Variants in NRG4 observed in about 807,000 individuals in gnomAD.
NRG4 encodes neuregulin 4.
In NRG4, 10 loss-of-function variants were observed where a neutral mutation model predicts 15.0. The observed-to-expected ratio is 0.67, with a 90% CI of 0.41 to 1.13. The LOEUF (loss-of-function observed/expected upper bound fraction) is 1.13, where lower values mean the gene tolerates loss of function less well. NRG4 is among the 50% of genes most tolerant of loss of function. The pLI, the probability that NRG4 is intolerant of heterozygous loss-of-function variation, is 0.00. For missense variants in NRG4, 139 were observed against 140.2 expected, an observed-to-expected ratio of 0.99 and a Z score of 0.04; for synonymous variants, 41 against 50.1, an observed-to-expected ratio of 0.82 and a Z score of 0.77.
rs1362197816 is a variant in NRG4 at position 75,941,018 on chromosome 15, AAAT to A, written c.*2617_*2619del. ...AAAAGATTACCTATGGAGTGGGAGGAAATAATATGCAGTTCACGTACCTAATAA... is the reference window on the plus strand; with the variant it reads ...AAAAGATTACCTATGGAGTGGGAGGAAATATGCAGTTCACGTACCTAATAA... On this transcript the variant is annotated 3_prime_UTR_variant, in exon 6 of 6. Transcript: ENST00000394907. 3.9e-5 allele frequency: 6 copies of A among 152,160 alleles called. No homozygotes were observed. Among genetic ancestry groups the A allele is most frequent in the African/African-American group, 1.4e-4 (6 of 41,464 alleles). 9.4% of individuals were successfully genotyped at this position (152,160 alleles called of 1,614,324 possible). A position where few individuals can be genotyped will look rare whatever the true frequency, so the allele number is the denominator to read the frequency against.
intron 3 of NRG4, among the ~76,000 whole-genome samples, chr15:75,982,529 G>C (rs915007415): frequency 6.6e-6 from 1 of 152,170 alleles, no homozygotes; most frequent in African/African-American, 2.4e-5. Context: ...GCTCCCTGCA[G>C]AAAACTATAA....
chr15:76,039,666 T>TAG (rs1404614468), intron 4 of NRG4, among the ~76,000 whole-genome samples: 1 of 151,976 alleles, frequency 6.6e-6, no homozygotes, highest in African/African-American at 2.4e-5. Flanking sequence ...AAAGAGAAGG[T>TAG]AGAGAGAGGG....
Position 76,045,255 on chromosome 15 carries a change from G to A in NRG4, c.-105+6812C>T, listed in dbSNP as rs1251327665. Among the ~76,000 whole-genome samples, 2 of 151,054 alleles carry A rather than the reference G, an allele frequency of 1.3e-5. 1 individual carries two copies. The highest frequency in any genetic ancestry group is 2.9e-5 in the Non-Finnish European group (2 of 67,892). ...TACAATGAGATATCATCTTACATCA[G>A]TTAAAATGGCTTTTATCCAAAAGAC... On this transcript the variant is annotated intron_variant, in intron 4 of 8. Coordinates refer to the NRG4 transcript ENST00000563910.
intron 5 of NRG4, among the ~76,000 whole-genome samples, chr15:75,952,943 A>T (rs1339240851): frequency 3.3e-5 from 5 of 152,102 alleles, no homozygotes; most frequent in Admixed American, 2.6e-4. Context: ...GATTAAAAAA[A>T]TTTTCTCTCA....
At chr15:75,988,974 C>T (rs1024279014) in intron 3 of NRG4, among the ~76,000 whole-genome samples, 8 of 150,856 alleles carry the variant, frequency 5.3e-5, no homozygotes, top group African/African-American at 1.9e-4. Flanking sequence ...CCTCCCATCT[C>T]AGCCTCCCAC....
intron 2 of NRG4, among the ~76,000 whole-genome samples, chr15:76,054,047 C>T (rs1445363109): frequency 6.6e-6 from 1 of 150,776 alleles, no homozygotes; most frequent in Non-Finnish European, 1.5e-5. Context: ...ACGTGGTGAT[C>T]ATTTGGGCCC....
intron 3 of NRG4, among the ~76,000 whole-genome samples, chr15:76,007,675 C>A (rs1363576038): frequency 6.6e-6 from 1 of 152,146 alleles, no homozygotes; most frequent in Non-Finnish European, 1.5e-5. Context: ...GTGATCCGCC[C>A]ACCTTGGCCT....
chr15:75,975,370 T>C (rs1407642595), intron 3 of NRG4, among the ~76,000 whole-genome samples: 1 of 152,244 alleles, frequency 6.6e-6, no homozygotes, highest in Non-Finnish European at 1.5e-5. Flanking sequence ...TATTGTTATG[T>C]GTGGATTTGA....
chr15:75,992,772 T>C (rs896533724), intron 3 of NRG4, among the ~76,000 whole-genome samples: 2 of 152,308 alleles, frequency 1.3e-5, no homozygotes, highest in Middle Eastern at 3.4e-3. Flanking sequence ...CATTTGGGGT[T>C]ATTTTGCAAA....
At chr15:76,040,717 G>T (rs1596054577) in intron 4 of NRG4, among the ~76,000 whole-genome samples, 1 of 152,182 alleles carries the variant, frequency 6.6e-6, no homozygotes, top group East Asian at 1.9e-4. Flanking sequence ...TTGAGGTCAG[G>T]AGTTCGAGAC....
intron 5 of NRG4, among the ~76,000 whole-genome samples, chr15:75,947,251 T>C (rs1393446064): frequency 2.6e-5 from 4 of 152,216 alleles, no homozygotes; most frequent in Non-Finnish European, 2.9e-5. Context: ...TAATGAGATA[T>C]ATGATGTGTG....
At chr15:76,010,876 C>T (rs1376003911) in intron 2 of NRG4, among the ~76,000 whole-genome samples, 2 of 152,044 alleles carry the variant, frequency 1.3e-5, no homozygotes, top group Non-Finnish European at 2.9e-5. Context: ...TTTATTTTAT[C>T]AATAAAGAAA....
intron 4 of NRG4, among the ~76,000 whole-genome samples, chr15:76,045,860 A>T (rs1201499778): frequency 6.6e-6 from 1 of 151,020 alleles, no homozygotes; most frequent in African/African-American, 2.5e-5. Context: ...AATAAGACCT[A>T]GTATTTGCTA....
intron 4 of NRG4, among the ~76,000 whole-genome samples, chr15:76,047,323 C>T (rs1050754623): frequency 3.3e-5 from 5 of 150,896 alleles, no homozygotes; most frequent in Non-Finnish European, 5.9e-5. Context: ...ATCTGCACTC[C>T]CGTCTATACT....
chr15:76,017,936 C>T (rs1288165709), intron 5 of NRG4, among the ~76,000 whole-genome samples: 2 of 152,166 alleles, frequency 1.3e-5, no homozygotes, highest in African/African-American at 4.8e-5. Flanking sequence ...AACTTGGTTT[C>T]ATTCTCCCTT....
chr15:76,016,025 C>G (rs888604410), upstream of NRG4, among the ~76,000 whole-genome samples: 5 of 152,096 alleles, frequency 3.3e-5, no homozygotes. Context: ...AATTTCAGAA[C>G]TTGTTATTGG....
At position 75,988,884 on chromosome 15, in the gene NRG4, G is replaced by T. The variant is rs139754971; in HGVS notation, c.104+20316C>A. ...TTTTTTTTTTTTTTTTTGAGACAAGGTCTCACTCTGTGCCCAGGCCGGAGT... is the reference window on the plus strand; with the variant it reads ...TTTTTTTTTTTTTTTTTGAGACAAGTTCTCACTCTGTGCCCAGGCCGGAGT... On this transcript the variant is annotated intron_variant, in intron 3 of 5. Transcript: ENST00000394907. Among the ~76,000 whole-genome samples, 678 of 141,190 alleles carry T rather than the reference G, an allele frequency of 4.8e-3. 7 individuals carry two copies. Among genetic ancestry groups the T allele is most frequent in the African/African-American group, 0.017 (640 of 37,012 alleles). The allele number at this position is 141,190 out of a possible 152,430, so 92.6% of individuals were successfully genotyped here.
At chr15:76,035,764 A>T (rs529730228) in intron 5 of NRG4, among the ~76,000 whole-genome samples, 1 of 152,304 alleles carries the variant, frequency 6.6e-6, no homozygotes, top group East Asian at 1.9e-4. Context: ...ATGTTTGTTA[A>T]CAACTGTTTC....
At chr15:75,956,658 C>G (rs190166223) in intron 4 of NRG4, among the ~76,000 whole-genome samples, 1 of 152,260 alleles carries the variant, frequency 6.6e-6, no homozygotes, top group East Asian at 1.9e-4. Context: ...CATACTTGCT[C>G]CTATTCCGGA....
Sources: gnomAD v4.1 joint callset for allele counts (sites outside exome capture counted in the v4.1 genomes callset) on GRCh38, gnomAD v4.1.1 for gene constraint, MANE v1.5 for transcripts, NCBI Gene and HGNC (gene_info 2026-07-23, HGNC 2026-07-21) for gene names.